Variants in CUL1 observed in about 807,000 individuals in gnomAD.
The protein encoded by CUL1 is cullin-1.
Under a neutral mutation model 118.0 loss-of-function variants are expected in CUL1, and 24 were observed. The observed-to-expected ratio is 0.20, with a 90% confidence interval of 0.15 to 0.29. CUL1 has a LOEUF of 0.29. CUL1 is among the 10% of genes least tolerant of loss of function. The probability of loss-of-function intolerance (pLI) is 1.00; values close to 1 mark genes in which losing one functional copy is unlikely to be tolerated. For synonymous variants in CUL1, 332 were observed against 340.4 expected (o/e 0.98, Z 0.27); for missense variants, 361 against 933.8 (o/e 0.39, Z 7.99).
chr7:148,710,455 G>C (rs1237037319), intron 1 of CUL1, among the ~76,000 whole-genome samples: 2 of 152,100 alleles, frequency 1.3e-5, no homozygotes, highest in Non-Finnish European at 2.9e-5. Context: ...TGTAATCCCA[G>C]CTACTCAGGA....
intron 1 of CUL1, among the ~76,000 whole-genome samples, chr7:148,729,401 GTC>G (rs1219500536): frequency 2.0e-5 from 3 of 152,078 alleles, no homozygotes; most frequent in Non-Finnish European, 4.4e-5. Context: ...TCAAACTCAG[GTC>G]TCTCTGAATT....
At chr7:148,706,618 T>G (rs940900967) in intron 1 of CUL1, among the ~76,000 whole-genome samples, 1 of 150,936 alleles carries the variant, frequency 6.6e-6, no homozygotes, top group African/African-American at 2.4e-5. Flanking sequence ...CAGTAGTGCC[T>G]TTGTTACATG....
chr7:148,783,980 C>T lies in CUL1; in HGVS notation c.1201C>T (p.Arg401Cys), dbSNP rs1800740223. Residue 401 changes from arginine to cysteine, a missense_variant, in exon 11 of 22, where the codon CGC (arginine) becomes TGC (cysteine). Physicochemically the swap from Arg to Cys is radical, Grantham distance 180. Around this residue, in one of 7 missense-constraint regions of CUL1, gnomAD observed 169 missense variants for 429.7 expected, o/e 0.39. Coordinates refer to ENST00000325222, the MANE Select transcript of CUL1 (RefSeq NM_003592.3). ...ATTCCGTGTAACGCAGGCTTGTGGT[C>T]GCTTCATAAACAACAACGCGGTTAC... ...FVAALDKACG[R>C]FINNNAVTKM... The T allele has an allele frequency of 6.2e-7, 1 of 1,614,008 alleles. No individual in the cohort carries two copies. Among genetic ancestry groups the T allele is most frequent in the Non-Finnish European group, 8.5e-7 (1 of 1,179,990 alleles).
intron 9 of CUL1, 79 bp downstream of exon 9, chr7:148,767,828 C>G: frequency 7.2e-7 from 1 of 1,381,620 alleles, no homozygotes. Flanking sequence ...TGCGTCTCTA[C>G]TTCCAAATCT....
Position 148,766,523 on chromosome 7 carries a change from A to G in CUL1, c.790-38A>G, listed in dbSNP as rs372151007. 52 of 1,541,048 alleles carry G rather than the reference A, an allele frequency of 3.4e-5. No homozygotes were observed. The African/African-American group carries it at 5.7e-4, about 17-fold the overall frequency. On this transcript the variant is annotated intron_variant, in intron 7 of 21. Coordinates refer to ENST00000325222, the MANE Select transcript of CUL1 (RefSeq NM_003592.3). ...AAAGAATTGTAACAGTTCTTTACCA[A>G]TGAATCAAAACCATTCACTTGAATT...
intron 9 of CUL1, among the ~76,000 whole-genome samples, chr7:148,782,478 C>T (rs1800674008): frequency 6.6e-6 from 1 of 152,198 alleles, no homozygotes; most frequent in Admixed American, 6.5e-5. Flanking sequence ...ATCTGCAATA[C>T]TGCCTTTCAA....
At chr7:148,715,780 C>T (rs1381185720) in intron 1 of CUL1, among the ~76,000 whole-genome samples, 1 of 152,190 alleles carries the variant, frequency 6.6e-6, no homozygotes, top group African/African-American at 2.4e-5. Flanking sequence ...AAAACACATT[C>T]AACTTATCTA....
intron 2 of CUL1, among the ~76,000 whole-genome samples, chr7:148,731,286 T>C (rs2129459634): frequency 6.6e-6 from 1 of 152,294 alleles, no homozygotes; most frequent in East Asian, 1.9e-4. Context: ...GACTTTAAAG[T>C]TGCTGATTCA....
intron 2 of CUL1, among the ~76,000 whole-genome samples, chr7:148,742,326 G>C (rs368642015): frequency 2.0e-5 from 3 of 152,180 alleles, no homozygotes; most frequent in African/African-American, 4.8e-5. Flanking sequence ...CAAAGGAGAA[G>C]CAAAGTCATG....
intron 2 of CUL1, among the ~76,000 whole-genome samples, chr7:148,750,294 C>CT (rs370284482): frequency 0.31 from 44,769 of 142,854 alleles, 8,079 homozygotes; most frequent in African/African-American, 0.51. Flanking sequence ...CCACCTAGGA[C>CT]TTTTTTTTTT....
intron 13 of CUL1, 72 bp from the exon 14 acceptor site, chr7:148,788,485 T>G: frequency 2.1e-6 from 2 of 939,150 alleles, no homozygotes; most frequent in Non-Finnish European, 3.4e-6. Context: ...TACTCTGATT[T>G]CTCTAAGATT....
intron 2 of CUL1, among the ~76,000 whole-genome samples, chr7:148,746,764 G>A (rs560594768): frequency 5.9e-5 from 9 of 152,294 alleles, no homozygotes; most frequent in Admixed American, 5.2e-4. Context: ...TCCATCTGAT[G>A]AAAATGCATT....
chr7:148,749,294 G>A (rs1234182947), intron 2 of CUL1, among the ~76,000 whole-genome samples: 3 of 151,308 alleles, frequency 2.0e-5, no homozygotes, highest in African/African-American at 7.3e-5. Context: ...ATGCACGCCT[G>A]TAATCTCAGT....
chr7:148,771,887 A>G (rs1161583444), intron 9 of CUL1, among the ~76,000 whole-genome samples: 1 of 152,210 alleles, frequency 6.6e-6, no homozygotes, highest in African/African-American at 2.4e-5. Context: ...GAAGGGGAGC[A>G]TCTTCAAAGC....
At chr7:148,743,113 C>T (rs1799197776) in intron 2 of CUL1, among the ~76,000 whole-genome samples, 1 of 152,208 alleles carries the variant, frequency 6.6e-6, no homozygotes, top group Admixed American at 6.5e-5. Context: ...ATTATAATTC[C>T]ATTTTGATCA....
intron 9 of CUL1, chr7:148,783,577 T>C (rs1279275939): frequency 6.8e-7 from 1 of 1,480,874 alleles, no homozygotes; most frequent in Non-Finnish European, 8.9e-7. Context: ...GGAGAATAGA[T>C]TGTTTTTTCT....
intron 17 of CUL1, among the ~76,000 whole-genome samples, chr7:148,796,941 G>T (rs989339656): frequency 5.3e-5 from 8 of 152,114 alleles, no homozygotes; most frequent in Non-Finnish European, 1.0e-4. Context: ...GACCAGAATG[G>T]GTACCCATTA....
chr7:148,718,482 C>T (rs180953210), intron 1 of CUL1, among the ~76,000 whole-genome samples: 357 of 152,194 alleles, frequency 2.3e-3, no homozygotes, highest in Admixed American at 4.3e-3. Context: ...TCATATGATA[C>T]GTGGTGTTTT....
At chr7:148,769,397 TCACACACA>T (rs55858322) in intron 9 of CUL1, among the ~76,000 whole-genome samples, 12,825 of 128,998 alleles carry the variant, frequency 0.099, 597 homozygotes, top group Middle Eastern at 0.16. Context: ...AGGGCCTGAT[TCACACACA>T]CACACACACA....
Sources: gnomAD v4.1 joint callset for allele counts (sites outside exome capture counted in the v4.1 genomes callset) on GRCh38, gnomAD v4.1.1 for gene constraint, gnomAD v4.1.1 regional missense constraint, MANE v1.5 for transcripts, NCBI Gene and HGNC (gene_info 2026-07-23, HGNC 2026-07-21) for gene names.